Variants in NSUN7 observed in about 807,000 individuals in gnomAD.
NSUN7 encodes the protein protein NSUN7.
Under a neutral mutation model 58.5 loss-of-function variants are expected in NSUN7, and 39 were observed. The ratio of observed to expected loss-of-function variants is 0.67; its 90% confidence interval spans 0.52 to 0.87. The LOEUF (loss-of-function observed/expected upper bound fraction) is 0.87. NSUN7 is among the 40% of genes least tolerant of loss of function. The probability of loss-of-function intolerance (pLI) is 0.00; values close to 1 mark genes in which losing one functional copy is unlikely to be tolerated. For synonymous variants in NSUN7, 278 were observed against 303.7 expected (o/e 0.92, Z 0.88); for missense variants, 765 against 844.1 (o/e 0.91, Z 1.16).
At chr4:40,804,145 A>G (rs1743719557) in intron 10 of NSUN7, among the ~76,000 whole-genome samples, 1 of 152,246 alleles carries the variant, frequency 6.6e-6, no homozygotes, top group African/African-American at 2.4e-5. Context: ...GAGGTTTTCA[A>G]AATCACTAAT....
chr4:40,799,962 CA>C (rs1743509028), intron 10 of NSUN7, among the ~76,000 whole-genome samples: 1 of 152,148 alleles, frequency 6.6e-6, no homozygotes, highest in South Asian at 2.1e-4. Context: ...TAACTTAAAA[CA>C]AAAGCCTTTT....
At position 40,774,961 on chromosome 4, in the gene NSUN7, A is replaced by G. The variant is rs7680770; in HGVS notation, c.825+11A>G. 3.7e-3 allele frequency: 3,858 copies of G among 1,029,136 alleles called. 98 individuals carry two copies. The African/African-American group carries it at 0.055, about 15-fold the overall frequency. 63.8% of individuals were successfully genotyped at this position (1,029,136 alleles called of 1,614,324 possible). On this transcript the variant is annotated intron_variant, in intron 6 of 11. Coordinates refer to ENST00000381782, the MANE Select transcript of NSUN7 (RefSeq NM_024677.6). The stretch of plus-strand genomic sequence containing the variant: ...AAACTTATATTTCAGGTAAACTAAT[A>G]TTTACTTTCATTGTGATTCTCAACA...
At chr4:40,752,637 G>A (rs148228614) in intron 2 of NSUN7, among the ~76,000 whole-genome samples, 4,830 of 151,984 alleles carry the variant, frequency 0.032, 116 homozygotes, top group Non-Finnish European at 0.054. Flanking sequence ...AGCCAGGATG[G>A]TCTCCATCTC....
In NSUN7 at chr4:40,750,686, G is replaced by A. The variant is rs1238998438; in HGVS notation, c.-8G>A. On this transcript the variant is annotated 5_prime_UTR_variant, in exon 2 of 12. Coordinates refer to ENST00000381782, the MANE Select transcript of NSUN7 (RefSeq NM_024677.6). The stretch of plus-strand genomic sequence containing the variant: ...GGGTGAAGGACTCACGACAGGCGAG[G>A]GGCAGACATGCTGAATTCCACGGGC... 6.2e-7 allele frequency: 1 copy of A among 1,611,794 alleles called. No homozygotes were observed. The highest frequency in any genetic ancestry group is 1.7e-5 in the Admixed American group (1 of 59,988).
chr4:40,785,141 T>C (rs1355020567), intron 7 of NSUN7, among the ~76,000 whole-genome samples: 1 of 150,492 alleles, frequency 6.6e-6, no homozygotes, highest in Non-Finnish European at 1.5e-5. Flanking sequence ...GTGCAAACAG[T>C]CCTCCCACTT....
At chr4:40,766,272 T>C (rs1403985434) in intron 4 of NSUN7, among the ~76,000 whole-genome samples, 9 of 103,554 alleles carry the variant, frequency 8.7e-5, no homozygotes, top group Non-Finnish European at 1.3e-4. Flanking sequence ...ACCTAATTTA[T>C]TGAGAGTTTT....
In NSUN7 at chr4:40,795,733, C is replaced by T. The variant is rs143805543; in HGVS notation, c.1282+1257C>T. 2.4e-3 allele frequency among the ~76,000 whole-genome samples: 365 copies of T among 152,092 alleles called. 2 individuals carry two copies. The highest frequency in any genetic ancestry group is 8.1e-3 in the African/African-American group (338 of 41,500). ...GTTTGACTCCAGATTTTGATAGAAC[C>T]GATTAAAAGCCCGATTTGAAGTCAA... On this transcript the variant is annotated intron_variant, in intron 9 of 11. Transcript: ENST00000381782.
In NSUN7 at chr4:40,750,676, G is replaced by C. The variant is rs781364871; in HGVS notation, c.-18G>C. On this transcript the variant is annotated 5_prime_UTR_variant, in exon 2 of 12. Coordinates refer to ENST00000381782, the MANE Select transcript of NSUN7 (RefSeq NM_024677.6). Reference sequence around the variant, plus strand: ...TCTAACCCCAGGGTGAAGGACTCACGACAGGCGAGGGGCAGACATGCTGAA... The same window carrying C: ...TCTAACCCCAGGGTGAAGGACTCACCACAGGCGAGGGGCAGACATGCTGAA... The C allele has an allele frequency of 2.5e-6, 4 of 1,610,024 alleles. No individual in the cohort carries two copies. The highest frequency in any genetic ancestry group is 1.7e-5 in the Admixed American group (1 of 59,908).
chr4:40,751,288 AT>A (rs1178988247), intron 2 of NSUN7, among the ~76,000 whole-genome samples: 5 of 150,726 alleles, frequency 3.3e-5, no homozygotes, highest in African/African-American at 7.3e-5. Flanking sequence ...CTCTCCCTGT[AT>A]TTTTTTTTCC....
At chr4:40,765,626 T>C (rs977131658) in intron 4 of NSUN7, among the ~76,000 whole-genome samples, 1 of 152,204 alleles carries the variant, frequency 6.6e-6, no homozygotes, top group African/African-American at 2.4e-5. Flanking sequence ...AGAAAGTCAT[T>C]GGTAGCTTGA....
At chr4:40,805,279 G>A (rs1047533343) in intron 10 of NSUN7, among the ~76,000 whole-genome samples, 1 of 151,324 alleles carries the variant, frequency 6.6e-6, no homozygotes, top group Non-Finnish European at 1.5e-5. Flanking sequence ...GAAGTCTCTG[G>A]AGGCTCTGGG....
intron 10 of NSUN7, 26 bp downstream of exon 10, chr4:40,798,930 ACAACT>A (rs2154289089): frequency 2.7e-6 from 3 of 1,113,520 alleles, no homozygotes; most frequent in East Asian, 4.8e-5. Flanking sequence ...ATTCTTCTAA[ACAACT>A]CAAACAAATA....
chr4:40,758,764 A>G (rs1741297353), intron 2 of NSUN7, among the ~76,000 whole-genome samples: 1 of 152,218 alleles, frequency 6.6e-6, no homozygotes, highest in African/African-American at 2.4e-5. Flanking sequence ...ACACACCTGT[A>G]GTCCCAGCAA....
rs116675359 is a variant in NSUN7, at chr4:40,809,523, C to G, written c.*584C>G. ...TCCCAAGTGCCAGGTGTGTGTAGCT[C>G]AGAGTTCCTTTTACAGTGAGGTGTC... On this transcript the variant is annotated 3_prime_UTR_variant, in exon 12 of 12. Transcript: ENST00000381782. 80 of 152,270 alleles carry G rather than the reference C, an allele frequency of 5.3e-4. No homozygotes were observed. The highest frequency in any genetic ancestry group is 1.9e-3 in the African/African-American group (77 of 41,540). The allele number at this position is 152,270 out of a possible 1,614,324, so 9.4% of individuals were successfully genotyped here.
intron 4 of NSUN7, among the ~76,000 whole-genome samples, chr4:40,770,213 A>T (rs1741931957): frequency 1.4e-5 from 2 of 145,464 alleles, no homozygotes; most frequent in Admixed American, 1.4e-4. Context: ...TCCATCTCAA[A>T]AAAAAAAAAA....
intron 2 of NSUN7, among the ~76,000 whole-genome samples, chr4:40,757,689 CTG>C (rs1365301383): frequency 2.9e-5 from 4 of 138,760 alleles, no homozygotes; most frequent in Non-Finnish European, 4.6e-5. Flanking sequence ...TATATACACA[CTG>C]TGTATATATA....
Position 40,750,674 on chromosome 4 carries a change from A to G in NSUN7, c.-20A>G. The G allele has an allele frequency of 6.2e-7, 1 of 1,609,814 alleles. No individual in the cohort carries two copies. Among genetic ancestry groups the G allele is most frequent in the South Asian group, 1.1e-5 (1 of 90,884 alleles). On this transcript the variant is annotated 5_prime_UTR_variant, in exon 2 of 12. Transcript: ENST00000381782. ...ATTCTAACCCCAGGGTGAAGGACTC[A>G]CGACAGGCGAGGGGCAGACATGCTG...
chr4:40,781,057 A>G (rs1010554905), intron 7 of NSUN7, among the ~76,000 whole-genome samples: 2 of 150,724 alleles, frequency 1.3e-5, no homozygotes, highest in African/African-American at 2.4e-5. Context: ...TGACCTCGTG[A>G]TCCACCCGCC....
intron 7 of NSUN7, among the ~76,000 whole-genome samples, chr4:40,785,035 AGTT>A (rs140661226): frequency 1.1e-4 from 16 of 152,080 alleles, no homozygotes; most frequent in South Asian, 4.2e-4. Context: ...AATCATACAA[AGTT>A]GTTGTTGTTG....
Sources: gnomAD v4.1 joint callset for allele counts (sites outside exome capture counted in the v4.1 genomes callset) on GRCh38, gnomAD v4.1.1 for gene constraint, MANE v1.5 for transcripts, NCBI Gene and HGNC (gene_info 2026-07-23, HGNC 2026-07-21) for gene names.